Variants in DLG4 observed in about 807,000 individuals in gnomAD.
The protein encoded by DLG4 is discs large MAGUK scaffold protein 4.
Under a neutral mutation model 93.8 loss-of-function variants are expected in DLG4, and 7 were observed. The observed-to-expected ratio is 0.07, with a 90% CI of 0.04 to 0.14. The LOEUF is 0.14. DLG4 is among the 10% of genes least tolerant of loss of function. DLG4 has a pLI of 1.00. For synonymous variants in DLG4, 341 were observed against 387.6 expected, an observed-to-expected ratio of 0.88 and a Z score of 1.41; for missense variants, 545 against 992.9, an observed-to-expected ratio of 0.55 and a Z score of 6.06.
chr17:7,217,378 G>A lies in DLG4; in HGVS notation c.-231C>T, dbSNP rs1018364474. 7.8e-6 allele frequency: 4 copies of A among 513,924 alleles called. No homozygotes were observed. Among genetic ancestry groups the A allele is most frequent in the Non-Finnish European group, 8.9e-6 (3 of 337,818 alleles). 31.8% of individuals were successfully genotyped at this position (513,924 alleles called of 1,614,324 possible). ...AAGGGGCTCCCCAGTGGAGGGGAGG[G>A]GGCTTGGGGAGCACACCCCGATTCT... On this transcript the variant is annotated 5_prime_UTR_variant, in exon 1 of 20. Transcript: ENST00000399506.
intron 2 of DLG4, 200 bp downstream of exon 2, chr17:7,207,974 C>T (rs1342342657): frequency 4.8e-6 from 5 of 1,051,100 alleles, no homozygotes; most frequent in East Asian, 3.4e-5. Context: ...CCCAGCATCC[C>T]CCTCCCCACG....
intron 1 of DLG4, among the ~76,000 whole-genome samples, chr17:7,212,913 A>G (rs921573773): frequency 2.6e-5 from 4 of 152,062 alleles, no homozygotes; most frequent in African/African-American, 4.8e-5. Context: ...GGCGCCTGTA[A>G]TCCTAGCTAC....
In DLG4 at chr17:7,190,616, G is replaced by T; in HGVS notation, c.*92C>A. The stretch of plus-strand genomic sequence containing the variant: ...ATAAATAAGAAGGGGTGGGAGGGAG[G>T]CCGGGGGGAGCCAAGGGCTTGGGCA... On this transcript the variant is annotated 3_prime_UTR_variant, in exon 20 of 20. Coordinates refer to ENST00000399506, the MANE Select transcript of DLG4 (RefSeq NM_001321075.3). 1.0e-6 allele frequency: 1 copy of T among 984,020 alleles called. No homozygotes were observed. Among genetic ancestry groups the T allele is most frequent in the East Asian group, 2.4e-5 (1 of 41,528 alleles). 61.0% of individuals were successfully genotyped at this position (984,020 alleles called of 1,614,324 possible).
In DLG4 at chr17:7,190,589, A is replaced by G. The variant is rs2069436939; in HGVS notation, c.*119T>C. 2 of 751,546 alleles carry G rather than the reference A, an allele frequency of 2.7e-6. No homozygotes were observed. 46.6% of individuals were successfully genotyped at this position (751,546 alleles called of 1,614,324 possible). A position where few individuals can be genotyped will look rare whatever the true frequency, so the allele number is the denominator to read the frequency against. ...AACAGGCTGGATCCAGTTAGAAAGGAAATAAATAAGAAGGGGTGGGAGGGA... is the reference window on the plus strand; with the variant it reads ...AACAGGCTGGATCCAGTTAGAAAGGGAATAAATAAGAAGGGGTGGGAGGGA... On this transcript the variant is annotated 3_prime_UTR_variant, in exon 20 of 20. Transcript: ENST00000399506.
rs751601460 is a variant in DLG4, at chr17:7,203,053, G to A, written c.643-6C>T. The A allele has an allele frequency of 1.8e-5, 28 of 1,598,022 alleles. No homozygotes were observed. Among genetic ancestry groups the A allele is most frequent in the Admixed American group, 6.7e-5 (4 of 59,758 alleles). ...TCTAGCCCCACACTGTTGACCTGGA[G>A]TCAAGGAAAGCAAAGCTCAGACAAA... is the stretch of plus-strand genomic sequence containing the variant. On this transcript the variant is annotated splice_polypyrimidine_tract_variant and splice_region_variant and intron_variant, in intron 7 of 19. Coordinates refer to ENST00000399506, the MANE Select transcript of DLG4 (RefSeq NM_001321075.3). This position sits in a 1 kb window ranked among gnomAD's most constrained non-coding sequence, Gnocchi z 7.2.
rs2069659613 is a variant in DLG4, at chr17:7,194,347, C to T, written c.1450G>A (p.Asp484Asn). The T allele has an allele frequency of 3.1e-6, 5 of 1,607,532 alleles. No individual in the cohort carries two copies. The highest frequency in any genetic ancestry group is 1.3e-5 in the African/African-American group (1 of 74,856). ...CGTTTGCTGGGGATGAACCCAATGT[C>T]GTCGGTCTCACTGTCAGAGTGGACC... Reference protein sequence around the residue: ...RRVHSDSETDDIGFIPSKRRV... With the variant: ...RRVHSDSETDNIGFIPSKRRV... Residue 484 changes from aspartate to asparagine, a missense_variant, in exon 12 of 20, where the codon GAC (aspartate) becomes AAC (asparagine). Asp to Asn is a conservative substitution (Grantham distance 23, BLOSUM62 1). This residue lies in a region of DLG4 where 428 missense variants were observed against 741.4 expected (regional missense o/e 0.58). Transcript: ENST00000399506. The surrounding 1 kb of genome is among the most constrained non-coding windows in gnomAD (Gnocchi z 4.4).
chr17:7,203,637 C>T lies in DLG4; in HGVS notation c.336-44G>A. 6.2e-7 allele frequency: 1 copy of T among 1,610,620 alleles called. No individual in the cohort carries two copies. The highest frequency in any genetic ancestry group is 8.5e-7 in the Non-Finnish European group (1 of 1,177,194). ...GCCTGAGCCAAGAGCTTCCTGCTGC[C>T]CTGGCCCTCCCTCTCCAGGGACCAA... On this transcript the variant is annotated intron_variant, in intron 5 of 19. Coordinates refer to ENST00000399506, the MANE Select transcript of DLG4 (RefSeq NM_001321075.3). This position sits in a 1 kb window ranked among gnomAD's most constrained non-coding sequence, Gnocchi z 7.2.
At chr17:7,200,282 C>T (rs2070049473) in intron 8 of DLG4, among the ~76,000 whole-genome samples, 1 of 152,086 alleles carries the variant, frequency 6.6e-6, no homozygotes, top group African/African-American at 2.4e-5. Flanking sequence ...TAATTTGGAG[C>T]CGGTTGAGAT....
At chr17:7,198,650 C>A (rs1243812890) in intron 8 of DLG4, among the ~76,000 whole-genome samples, 1 of 151,270 alleles carries the variant, frequency 6.6e-6, no homozygotes, top group African/African-American at 2.4e-5. Flanking sequence ...GAGTTCAAAA[C>A]CAGCCTGGCC....
Position 7,217,099 on chromosome 17 carries a change from G to A in DLG4, c.30+19C>T. 7.8e-7 allele frequency: 1 copy of A among 1,284,464 alleles called. No homozygotes were observed. The highest frequency in any genetic ancestry group is 9.9e-7 in the Non-Finnish European group (1 of 1,013,620). The allele number at this position is 1,284,464 out of a possible 1,614,324, so 79.6% of individuals were successfully genotyped here. A position where few individuals can be genotyped will look rare whatever the true frequency, so the allele number is the denominator to read the frequency against. ...ACTCATACCCTCCCCCCAGTTTATA[G>A]CCCCCCCATCATGCTTACCTTGGTT... On this transcript the variant is annotated intron_variant, in intron 1 of 19. Transcript: ENST00000399506.
chr17:7,189,109 CTCAA>C lies in DLG4; in HGVS notation c.*1595_*1598del, dbSNP rs2069371350. Among the ~76,000 whole-genome samples, 1 of 115,602 alleles carries C rather than the reference CTCAA, an allele frequency of 8.7e-6. No homozygotes were observed. Among genetic ancestry groups the C allele is most frequent in the Non-Finnish European group, 1.7e-5 (1 of 58,598 alleles). 75.8% of individuals were successfully genotyped at this position (115,602 alleles called of 152,430 possible). A position where few individuals can be genotyped will look rare whatever the true frequency, so the allele number is the denominator to read the frequency against. The stretch of plus-strand genomic sequence containing the variant: ...CCTGAGCGAAAGAGCGAAACTCTGT[CTCAA>C]AAAAAAAAAAAAAAGGGTGGGGGGG... On this transcript the variant is annotated 3_prime_UTR_variant, in exon 20 of 20. Coordinates refer to ENST00000399506, the MANE Select transcript of DLG4 (RefSeq NM_001321075.3).
At chr17:7,198,865 A>G (rs1468668452) in intron 8 of DLG4, among the ~76,000 whole-genome samples, 4 of 146,370 alleles carry the variant, frequency 2.7e-5, no homozygotes, top group African/African-American at 1.0e-4. Flanking sequence ...AAAAAAAAAA[A>G]GTTAGCTGAG....
At chr17:7,204,900 G>T in intron 2 of DLG4, 3 of 959,072 alleles carry the variant, frequency 3.1e-6, no homozygotes, top group Non-Finnish European at 3.7e-6. Flanking sequence ...GGACCGTGTT[G>T]CCTAGCAACG....
At position 7,204,074 on chromosome 17, in the gene DLG4, G is replaced by C; in HGVS notation, c.151-7C>G. 1 of 1,607,214 alleles carries C rather than the reference G, an allele frequency of 6.2e-7. No individual in the cohort carries two copies. ...TCCCGTTCACCTGCAACTCCAGCAC[G>C]GGACAGAAACACAAAAGCAGTGAGA... On this transcript the variant is annotated splice_region_variant and splice_polypyrimidine_tract_variant and intron_variant, in intron 3 of 19. Coordinates refer to ENST00000399506, the MANE Select transcript of DLG4 (RefSeq NM_001321075.3).
rs568345772 is a variant in DLG4, at chr17:7,207,219, G to A, written c.96+955C>T. Among the ~76,000 whole-genome samples the A allele has an allele frequency of 2.0e-5, 3 of 152,182 alleles. No homozygotes were observed. The East Asian group carries it at 5.8e-4, about 29-fold the overall frequency. On this transcript the variant is annotated intron_variant, in intron 2 of 19. Coordinates refer to ENST00000399506, the MANE Select transcript of DLG4 (RefSeq NM_001321075.3). ...GATGAATAGGCAAGAGGGAACATGG[G>A]AAAGGGGAGCTGGCTGATGGAGGGA...
chr17:7,208,104 C>T lies in DLG4; in HGVS notation c.96+70G>A, dbSNP rs754101784. Reference sequence around the variant, plus strand: ...AAGGGGGAGAGGTGGGCGTGGCCCACGACCCCGTGGCCAGCCTCGAGGTGG... The same window carrying T: ...AAGGGGGAGAGGTGGGCGTGGCCCATGACCCCGTGGCCAGCCTCGAGGTGG... On this transcript the variant is annotated intron_variant, in intron 2 of 19. Coordinates refer to ENST00000399506, the MANE Select transcript of DLG4 (RefSeq NM_001321075.3). The surrounding 1 kb of genome is among the most constrained non-coding windows in gnomAD (Gnocchi z 5.4). 2.3e-6 allele frequency: 3 copies of T among 1,318,136 alleles called. No homozygotes were observed. The highest frequency in any genetic ancestry group is 2.9e-5 in the South Asian group (1 of 34,518). The allele number at this position is 1,318,136 out of a possible 1,614,324, so 81.7% of individuals were successfully genotyped here.
In DLG4 at chr17:7,208,353, C is replaced by T. The variant is rs1597485368; in HGVS notation, c.31-114G>A. ...CAGTGCAGTGCGGAAGGCCCTGGGGCCTGACCAGCTCCTCCCCCTCCCTCT... is the reference window on the plus strand; with the variant it reads ...CAGTGCAGTGCGGAAGGCCCTGGGGTCTGACCAGCTCCTCCCCCTCCCTCT... On this transcript the variant is annotated intron_variant, in intron 1 of 19. Coordinates refer to ENST00000399506, the MANE Select transcript of DLG4 (RefSeq NM_001321075.3). This position sits in a 1 kb window ranked among gnomAD's most constrained non-coding sequence, Gnocchi z 5.4. 6.5e-6 allele frequency: 6 copies of T among 927,478 alleles called. No homozygotes were observed. In the East Asian group the frequency reaches 1.8e-4, roughly 27 times the overall value. The allele number at this position is 927,478 out of a possible 1,614,324, so 57.5% of individuals were successfully genotyped here.
At chr17:7,214,156 AAC>A (rs1479421420) in intron 1 of DLG4, among the ~76,000 whole-genome samples, 1 of 152,088 alleles carries the variant, frequency 6.6e-6, no homozygotes, top group Non-Finnish European at 1.5e-5. Flanking sequence ...ATGAAATCTG[AAC>A]AGACCTCCAT....
In DLG4 at chr17:7,191,320, T is replaced by C; in HGVS notation, c.2015A>G (p.Lys672Arg). The change falls in exon 19 of 20, where the codon AAA (lysine) becomes AGA (arginine). Residue 672 changes from lysine (K) to arginine (R), a missense_variant. Coordinates refer to ENST00000399506, the MANE Select transcript of DLG4 (RefSeq NM_001321075.3). This position sits in a 1 kb window ranked among gnomAD's most constrained non-coding sequence, Gnocchi z 6.6. ...CAGCTTGGTGGCTCTGTCGAAGGCT[T>C]TGCGGGCTTGCTCCTCTGTGATCCG... ...NKRITEEQAR[K>R]AFDRATKLEQ... is the part of the protein sequence containing the mutation. 6.2e-7 allele frequency: 1 copy of C among 1,613,928 alleles called. No individual in the cohort carries two copies. Among genetic ancestry groups the C allele is most frequent in the Non-Finnish European group, 8.5e-7 (1 of 1,179,822 alleles).
Sources: gnomAD v4.1 joint callset for allele counts (sites outside exome capture counted in the v4.1 genomes callset) on GRCh38, gnomAD v4.1.1 for gene constraint, gnomAD v4.1.1 regional missense constraint, Gnocchi (gnomAD v3.1) non-coding constraint, MANE v1.5 for transcripts, NCBI Gene and HGNC (gene_info 2026-07-23, HGNC 2026-07-21) for gene names.